TNNI3K: variants seen among roughly 807,000 people sequenced by gnomAD.
TNNI3K encodes TNNI3 interacting kinase, also known as serine/threonine-protein kinase TNNI3K.
Under a neutral mutation model 114.5 loss-of-function variants are expected in TNNI3K, and 140 were observed. The ratio of observed to expected loss-of-function variants is 1.22; its 90% confidence interval spans 1.07 to 1.41. The LOEUF (loss-of-function observed/expected upper bound fraction) is 1.41. TNNI3K is among the 40% of genes most tolerant of loss of function. The pLI is 0.00. For synonymous variants in TNNI3K, 347 were observed against 347.5 expected, an observed-to-expected ratio of 1.00 and a Z score of 0.02; for missense variants, 1,125 against 1,007.6, an observed-to-expected ratio of 1.12 and a Z score of -1.58.
chr1:74,292,231 T>A (rs755189758), intron 5 of TNNI3K, among the ~76,000 whole-genome samples: 4 of 151,548 alleles, frequency 2.6e-5, no homozygotes, highest in Non-Finnish European at 4.4e-5. Context: ...TTTGTCTTTT[T>A]TTTAATCAAT....
chr1:74,353,203 G>T, intron 9 of TNNI3K, 63 bp from the exon 10 acceptor site: 1 of 1,558,088 alleles, frequency 6.4e-7, no homozygotes, highest in Non-Finnish European at 8.7e-7. Context: ...GTAGGGGAGA[G>T]GGCACAATTT....
intron 4 of TNNI3K, among the ~76,000 whole-genome samples, chr1:74,265,476 G>A (rs1471000095): frequency 6.6e-6 from 1 of 151,840 alleles, no homozygotes; most frequent in Non-Finnish European, 1.5e-5. Flanking sequence ...TGCTGCAGTG[G>A]GTCCTGAAAT....
rs765917828 is a variant in TNNI3K, at chr1:74,439,541, A to G, written c.1930A>G (p.Ile644Val). 1.2e-5 allele frequency: 19 copies of G among 1,613,554 alleles called. No homozygotes were observed. The highest frequency in any genetic ancestry group is 1.1e-4 in the South Asian group (10 of 91,072). Residue 644 changes from isoleucine to valine, a missense_variant, in exon 20 of 25, where the codon ATC becomes GTC. Ile to Val is a conservative substitution (Grantham distance 29). Transcript: ENST00000326637. The part of the protein sequence containing the change: ...EVFTQCTRYT[I>V]KADVFSYALC... ...GTTCACGCAGTGCACTCGGTACACC[A>G]TCAAAGCAGATGTCTTCAGCTATGC...
At chr1:74,454,335 T>G (rs1183593822) in intron 20 of TNNI3K, among the ~76,000 whole-genome samples, 2 of 152,192 alleles carry the variant, frequency 1.3e-5, no homozygotes, top group Non-Finnish European at 2.9e-5. Flanking sequence ...ACTGTACTTT[T>G]GTATCTATTA....
intron 5 of TNNI3K, among the ~76,000 whole-genome samples, chr1:74,278,597 C>T (rs529620384): frequency 6.6e-6 from 1 of 152,240 alleles, no homozygotes; most frequent in Non-Finnish European, 1.5e-5. Flanking sequence ...ATTTTAATAG[C>T]TTTGTTGAGA....
intron 4 of TNNI3K, among the ~76,000 whole-genome samples, chr1:74,265,056 G>C (rs1013678683): frequency 5.3e-5 from 8 of 151,910 alleles, no homozygotes; most frequent in Non-Finnish European, 1.2e-4. Flanking sequence ...GAAATAACAT[G>C]ATGTATTAAG....
At chr1:74,472,049 T>C in intron 21 of TNNI3K, 1 of 712,334 alleles carries the variant, frequency 1.4e-6, no homozygotes, top group Non-Finnish European at 2.6e-6. Flanking sequence ...GAGCTTGTAA[T>C]AAAATGTCTT....
chr1:74,236,044 G>C, intron 1 of TNNI3K, 58 bp from the exon 2 acceptor site: 3 of 1,350,216 alleles, frequency 2.2e-6, no homozygotes, highest in Non-Finnish European at 3.1e-6. Context: ...GTTATGATCT[G>C]TGTCTACATT....
intron 23 of TNNI3K, among the ~76,000 whole-genome samples, chr1:74,532,328 C>T (rs901060326): frequency 2.0e-4 from 31 of 152,212 alleles, no homozygotes; most frequent in East Asian, 1.9e-4. Context: ...GGATGTTTCT[C>T]TAAGAAGAAT....
intron 17 of TNNI3K, among the ~76,000 whole-genome samples, chr1:74,384,257 T>C (rs912301225): frequency 6.6e-6 from 1 of 152,168 alleles, no homozygotes. Context: ...CACAAGTCAC[T>C]TCTCTGGCTA....
At chr1:74,473,876 G>T (rs1037481415) in intron 21 of TNNI3K, among the ~76,000 whole-genome samples, 1 of 152,098 alleles carries the variant, frequency 6.6e-6, no homozygotes, top group African/African-American at 2.4e-5. Flanking sequence ...TATTAGTCTA[G>T]ATCTAAAGTC....
chr1:74,359,484 G>C (rs1295008432), intron 11 of TNNI3K, among the ~76,000 whole-genome samples: 1 of 151,912 alleles, frequency 6.6e-6, no homozygotes, highest in Non-Finnish European at 1.5e-5. Flanking sequence ...AACGCCTCTG[G>C]ACAATCCCTG....
At chr1:74,426,031 T>G (rs921538726) in intron 17 of TNNI3K, among the ~76,000 whole-genome samples, 2 of 152,090 alleles carry the variant, frequency 1.3e-5, no homozygotes, top group Non-Finnish European at 2.9e-5. Flanking sequence ...GTTCATTTCT[T>G]GTGAATTTTC....
chr1:74,353,876 A>G (rs1034226220), intron 10 of TNNI3K, 104 bp from the exon 11 acceptor site: 3 of 1,423,350 alleles, frequency 2.1e-6, no homozygotes, highest in Middle Eastern at 3.7e-4. Flanking sequence ...CTTACTTCAT[A>G]CCTTTGGAAA....
At chr1:74,437,559 A>G (rs758012820) in intron 19 of TNNI3K, among the ~76,000 whole-genome samples, 2 of 151,852 alleles carry the variant, frequency 1.3e-5, no homozygotes, top group African/African-American at 2.4e-5. Flanking sequence ...GGGGAGAGCT[A>G]TGCAGGTGGG....
intron 4 of TNNI3K, among the ~76,000 whole-genome samples, chr1:74,252,882 AG>A (rs1228869327): frequency 6.6e-6 from 1 of 152,168 alleles, no homozygotes; most frequent in African/African-American, 2.4e-5. Flanking sequence ...CAAAGTGTGG[AG>A]GGGCACCCGA....
At chr1:74,421,547 T>C (rs1665396762) in intron 17 of TNNI3K, among the ~76,000 whole-genome samples, 1 of 152,122 alleles carries the variant, frequency 6.6e-6, no homozygotes, top group South Asian at 2.1e-4. Flanking sequence ...AGTCTAAATC[T>C]TTTTTCTCTA....
At chr1:74,290,240 A>G (rs1019838270) in intron 5 of TNNI3K, among the ~76,000 whole-genome samples, 1 of 151,506 alleles carries the variant, frequency 6.6e-6, no homozygotes, top group Admixed American at 6.6e-5. Flanking sequence ...GAGCAAGTCT[A>G]AGTCCTCCCT....
chr1:74,255,789 T>G (rs776756419), intron 4 of TNNI3K, among the ~76,000 whole-genome samples: 57 of 152,342 alleles, frequency 3.7e-4, no homozygotes, highest in Non-Finnish European at 7.3e-4. Context: ...GCAGTCAGTC[T>G]CCTTCTCACC....
Sources: gnomAD v4.1 joint callset for allele counts (sites outside exome capture counted in the v4.1 genomes callset) on GRCh38, gnomAD v4.1.1 for gene constraint, MANE v1.5 for transcripts, NCBI Gene and HGNC (gene_info 2026-07-23, HGNC 2026-07-21) for gene names.